The following ZNF385D variants were observed in gnomAD, a reference collection of about 807,000 sequenced individuals.
ZNF385D encodes the protein zinc finger protein 659.
ZNF385D carries 15 observed loss-of-function variants against 35.8 expected under a neutral mutation model. That is an observed-to-expected ratio of 0.42 (90% CI 0.28 to 0.64). The LOEUF (loss-of-function observed/expected upper bound fraction) is 0.64. Among genes scored for constraint, ZNF385D ranks in the 30% least tolerant of loss-of-function variants. The probability of loss-of-function intolerance (pLI) is 0.23; values close to 1 mark genes in which losing one functional copy is unlikely to be tolerated. For synonymous variants in ZNF385D, 212 were observed against 186.8 expected, an observed-to-expected ratio of 1.13 and a Z score of -1.10; for missense variants, 474 against 494.6, an observed-to-expected ratio of 0.96 and a Z score of 0.39.
intron 2 of ZNF385D, among the ~76,000 whole-genome samples, chr3:21,636,414 A>ATATATATATATATATATATATATAT (rs56114816): frequency 7.8e-5 from 5 of 64,508 alleles, no homozygotes; most frequent in African/African-American, 1.8e-4. Context: ...ATATATATAT[A>ATATATATATATATATATATATATAT]GAGTTTCTTA....
At chr3:21,720,220 A>T (rs566390271) in intron 1 of ZNF385D, among the ~76,000 whole-genome samples, 1 of 152,320 alleles carries the variant, frequency 6.6e-6, no homozygotes, top group East Asian at 1.9e-4. Context: ...ATTCTTAAGT[A>T]TAGTCCCTAG....
At chr3:21,795,008 TAGTC>T (rs1251868911) in intron 3 of ZNF385D, among the ~76,000 whole-genome samples, 2 of 152,240 alleles carry the variant, frequency 1.3e-5, no homozygotes, top group African/African-American at 2.4e-5. Context: ...AATACTCTCA[TAGTC>T]AGTGTCCGCT....
At chr3:22,194,364 T>C (rs975917638) in intron 2 of ZNF385D, among the ~76,000 whole-genome samples, 6 of 151,920 alleles carry the variant, frequency 3.9e-5, no homozygotes, top group Non-Finnish European at 8.8e-5. Context: ...AATTAAAATT[T>C]AATTCAATCT....
intron 2 of ZNF385D, among the ~76,000 whole-genome samples, chr3:22,370,538 C>T (rs1286476393): frequency 2.0e-5 from 3 of 152,040 alleles, no homozygotes; most frequent in Admixed American, 2.0e-4. Context: ...GTATTACAAT[C>T]ACTGTATGAA....
chr3:21,881,451 C>G (rs1698271938), intron 3 of ZNF385D, among the ~76,000 whole-genome samples: 1 of 151,928 alleles, frequency 6.6e-6, no homozygotes, highest in Non-Finnish European at 1.5e-5. Flanking sequence ...TATTGATTTA[C>G]TGATTATTTT....
intron 3 of ZNF385D, among the ~76,000 whole-genome samples, chr3:21,534,414 C>G (rs2061991762): frequency 6.6e-6 from 1 of 152,020 alleles, no homozygotes; most frequent in Non-Finnish European, 1.5e-5. Context: ...CACACACACA[C>G]CCCAAATACT....
chr3:22,211,104 T>A (rs2125260696), intron 2 of ZNF385D, among the ~76,000 whole-genome samples: 1 of 152,062 alleles, frequency 6.6e-6, no homozygotes, highest in Non-Finnish European at 1.5e-5. Flanking sequence ...GCTGAAGAAC[T>A]GATTTAAGTA....
chr3:22,193,415 A>G (rs555056474), intron 2 of ZNF385D, among the ~76,000 whole-genome samples: 5 of 152,050 alleles, frequency 3.3e-5, no homozygotes, highest in Non-Finnish European at 7.4e-5. Context: ...CTATTTACTC[A>G]CTTATTTTCC....
intron 3 of ZNF385D, among the ~76,000 whole-genome samples, chr3:22,108,516 G>T (rs1003603807): frequency 2.6e-5 from 4 of 152,102 alleles, no homozygotes; most frequent in Non-Finnish European, 5.9e-5. Flanking sequence ...TTCATGAAAT[G>T]ACTGGCAAAT....
intron 2 of ZNF385D, among the ~76,000 whole-genome samples, chr3:21,611,461 T>C (rs2064676199): frequency 6.6e-6 from 1 of 152,212 alleles, no homozygotes; most frequent in South Asian, 2.1e-4. Flanking sequence ...AATACCAGTC[T>C]GAGACTTTAG....
rs1485574844 is a variant in ZNF385D, at chr3:21,412,467, A to C, written c.*8747T>G. 2.6e-5 allele frequency: 4 copies of C among 152,090 alleles called. No homozygotes were observed. Among genetic ancestry groups the C allele is most frequent in the African/African-American group, 9.7e-5 (4 of 41,444 alleles). The allele number at this position is 152,090 out of a possible 1,614,324, so 9.4% of individuals were successfully genotyped here. On this transcript the variant is annotated 3_prime_UTR_variant, in exon 8 of 8. Transcript: ENST00000281523. The stretch of plus-strand genomic sequence containing the variant: ...TTCAAACTTAAACCAAGTTGAAAAA[A>C]AAAGTTTCCCAAATTGAAAACATTG...
chr3:22,305,569 T>A (rs922887329), intron 2 of ZNF385D, among the ~76,000 whole-genome samples: 1 of 152,100 alleles, frequency 6.6e-6, no homozygotes, highest in African/African-American at 2.4e-5. Flanking sequence ...TGGAGCATCA[T>A]CATTTGCCAT....
chr3:21,582,126 T>A (rs1212637357), intron 2 of ZNF385D, among the ~76,000 whole-genome samples: 1 of 152,160 alleles, frequency 6.6e-6, no homozygotes, highest in African/African-American at 2.4e-5. Flanking sequence ...TCCTATATGT[T>A]ATAGCTGTAA....
At chr3:22,006,860 C>T (rs556335673) in intron 3 of ZNF385D, among the ~76,000 whole-genome samples, 1 of 151,704 alleles carries the variant, frequency 6.6e-6, no homozygotes, top group South Asian at 2.1e-4. Flanking sequence ...GATACAAAAC[C>T]AACAGAGAGA....
At chr3:21,940,312 C>T (rs1319350266) in intron 3 of ZNF385D, among the ~76,000 whole-genome samples, 1 of 152,110 alleles carries the variant, frequency 6.6e-6, no homozygotes, top group Non-Finnish European at 1.5e-5. Context: ...CCAGTTCACC[C>T]AGTTCACCCA....
At chr3:21,740,888 C>G (rs1490144532) in intron 1 of ZNF385D, among the ~76,000 whole-genome samples, 1 of 152,166 alleles carries the variant, frequency 6.6e-6, no homozygotes, top group Non-Finnish European at 1.5e-5. Context: ...TGCCTGACTC[C>G]ACCTTCAGAG....
chr3:21,815,179 A>G (rs2073091854), intron 3 of ZNF385D, among the ~76,000 whole-genome samples: 1 of 152,212 alleles, frequency 6.6e-6, no homozygotes, highest in Non-Finnish European at 1.5e-5. Flanking sequence ...GACACATTTA[A>G]AGCAGTGTGT....
chr3:22,198,810 A>T (rs1696592346), intron 2 of ZNF385D, among the ~76,000 whole-genome samples: 1 of 152,060 alleles, frequency 6.6e-6, no homozygotes, highest in African/African-American at 2.4e-5. Flanking sequence ...CCCATCATTA[A>T]CTTTCTTAAG....
chr3:22,105,753 G>GACT (rs1702179099), intron 3 of ZNF385D, among the ~76,000 whole-genome samples: 5 of 152,202 alleles, frequency 3.3e-5, no homozygotes, highest in African/African-American at 1.2e-4. Context: ...ACCAACATTG[G>GACT]GGAGGGCCAT....
Sources: gnomAD v4.1 joint callset for allele counts (sites outside exome capture counted in the v4.1 genomes callset) on GRCh38, gnomAD v4.1.1 for gene constraint, MANE v1.5 for transcripts, NCBI Gene and HGNC (gene_info 2026-07-23, HGNC 2026-07-21) for gene names.